Variants in PTPRK observed in about 807,000 individuals in gnomAD.
The protein encoded by PTPRK is receptor-type tyrosine-protein phosphatase kappa.
A neutral mutation model predicts 178.0 loss-of-function variants in PTPRK; 75 were observed. That is an observed-to-expected ratio of 0.42 (90% CI 0.35 to 0.51). PTPRK has a LOEUF of 0.51. PTPRK is among the 20% of genes least tolerant of loss of function. PTPRK has a pLI of 0.02. For missense variants in PTPRK, 1,441 were observed against 1,797.8 expected, an observed-to-expected ratio of 0.80 and a Z score of 3.59; for synonymous variants, 637 against 620.6, an observed-to-expected ratio of 1.03 and a Z score of -0.39.
chr6:128,088,012 T>A (rs886148109), intron 8 of PTPRK, among the ~76,000 whole-genome samples: 2 of 152,190 alleles, frequency 1.3e-5, no homozygotes, highest in African/African-American at 2.4e-5. Flanking sequence ...ACACCTGATC[T>A]AAAATTCAGA....
At chr6:128,231,328 T>G (rs1812263378) in intron 5 of PTPRK, among the ~76,000 whole-genome samples, 1 of 152,184 alleles carries the variant, frequency 6.6e-6, no homozygotes, top group South Asian at 2.1e-4. Flanking sequence ...CTTAAGTGGA[T>G]CAGAATTAAC....
At chr6:128,514,996 G>A (rs927532687) in intron 1 of PTPRK, among the ~76,000 whole-genome samples, 29 of 152,160 alleles carry the variant, frequency 1.9e-4, no homozygotes, top group African/African-American at 6.5e-4. Flanking sequence ...GTGAAACTAC[G>A]TTTCTTTAGG....
intron 22 of PTPRK, 35 bp downstream of exon 22, chr6:127,985,686 T>C: frequency 6.5e-7 from 1 of 1,547,806 alleles, no homozygotes; most frequent in South Asian, 1.2e-5. Flanking sequence ...AAAAGCTGAT[T>C]GCATACAGTC....
chr6:128,311,817 G>A (rs1406096314), intron 3 of PTPRK, among the ~76,000 whole-genome samples: 1 of 152,066 alleles, frequency 6.6e-6, no homozygotes, highest in African/African-American at 2.4e-5. Context: ...CCTTCTTGGA[G>A]ATCCTTTATT....
intron 14 of PTPRK, among the ~76,000 whole-genome samples, chr6:128,008,482 A>G (rs1361427924): frequency 6.6e-6 from 1 of 151,034 alleles, no homozygotes; most frequent in Non-Finnish European, 1.5e-5. Flanking sequence ...AAAACTGTGT[A>G]CTTTGAAATG....
intron 7 of PTPRK, among the ~76,000 whole-genome samples, chr6:128,101,509 T>C (rs1470383860): frequency 2.0e-5 from 3 of 152,102 alleles, no homozygotes; most frequent in Non-Finnish European, 4.4e-5. Flanking sequence ...TATGTCTTTT[T>C]CTTTCATTCA....
intron 1 of PTPRK, among the ~76,000 whole-genome samples, chr6:128,483,011 T>C (rs140125469): frequency 6.6e-6 from 1 of 152,298 alleles, no homozygotes; most frequent in African/African-American, 2.4e-5. Context: ...AGCTGCATGA[T>C]TCTTAATAAA....
intron 6 of PTPRK, among the ~76,000 whole-genome samples, chr6:128,214,083 C>A (rs907380688): frequency 2.0e-5 from 3 of 152,114 alleles, no homozygotes; most frequent in Non-Finnish European, 4.4e-5. Flanking sequence ...TACTGAATTT[C>A]TTCATGTAAA....
chr6:128,419,563 T>G (rs1328293002), intron 1 of PTPRK, among the ~76,000 whole-genome samples: 4 of 149,742 alleles, frequency 2.7e-5, no homozygotes. Flanking sequence ...GAGCAGAGAT[T>G]GCGCCACTGC....
At chr6:128,071,771 G>C (rs1475317584) in intron 11 of PTPRK, among the ~76,000 whole-genome samples, 1 of 151,994 alleles carries the variant, frequency 6.6e-6, no homozygotes, top group African/African-American at 2.4e-5. Flanking sequence ...GTGAAAAACA[G>C]CTATAAAAAT....
At chr6:128,260,059 T>C (rs1817945737) in intron 3 of PTPRK, among the ~76,000 whole-genome samples, 1 of 152,226 alleles carries the variant, frequency 6.6e-6, no homozygotes, top group Non-Finnish European at 1.5e-5. Flanking sequence ...CTGATGTCTG[T>C]ATTTGAATAT....
chr6:128,196,611 A>G (rs1804903776), intron 6 of PTPRK, among the ~76,000 whole-genome samples: 1 of 152,140 alleles, frequency 6.6e-6, no homozygotes, highest in Non-Finnish European at 1.5e-5. Context: ...TCCTAGTTCT[A>G]TAATCCAACA....
intron 1 of PTPRK, among the ~76,000 whole-genome samples, chr6:128,443,685 T>C (rs1453125047): frequency 6.6e-6 from 1 of 152,176 alleles, no homozygotes; most frequent in Non-Finnish European, 1.5e-5. Context: ...TTTCTGATAT[T>C]AATCACTAAC....
At chr6:128,352,264 A>AAC (rs1376349916) in intron 2 of PTPRK, among the ~76,000 whole-genome samples, 1 of 151,244 alleles carries the variant, frequency 6.6e-6, no homozygotes, top group Non-Finnish European at 1.5e-5. Context: ...AAAAAAAAAA[A>AAC]AAAAAAAGAA....
intron 7 of PTPRK, among the ~76,000 whole-genome samples, chr6:128,141,222 A>C (rs1795722588): frequency 6.6e-6 from 1 of 151,952 alleles, no homozygotes; most frequent in African/African-American, 2.4e-5. Context: ...GAAAATGTAT[A>C]ACTAAAAATG....
At chr6:128,273,298 T>C (rs921983719) in intron 3 of PTPRK, among the ~76,000 whole-genome samples, 4 of 151,988 alleles carry the variant, frequency 2.6e-5, no homozygotes, top group Non-Finnish European at 4.4e-5. Context: ...ATATGGCACA[T>C]GTATACATAT....
chr6:128,009,162 A>G lies in PTPRK; in HGVS notation c.2301T>C (p.Leu767=). 2 of 1,608,996 alleles carry G rather than the reference A, an allele frequency of 1.2e-6. No individual in the cohort carries two copies. Among genetic ancestry groups the G allele is most frequent in the Non-Finnish European group, 1.7e-6 (2 of 1,176,672 alleles). Residue 767 remains leucine, a synonymous_variant, in exon 14 of 30, where the codon CTT becomes CTC. Transcript: ENST00000368226. ...ISAGILVFIL[L]LLVVILIVKK... ...TTACAATTAATATGACAACTAGGAG[A>G]AGGAGGATGAACACCAAAATTCCAG...
chr6:128,165,989 A>T (rs1583295046), intron 7 of PTPRK, among the ~76,000 whole-genome samples: 1 of 151,790 alleles, frequency 6.6e-6, no homozygotes, highest in East Asian at 1.9e-4. Context: ...CAGTTACAAG[A>T]GTATTTCTTC....
At chr6:128,292,743 C>CATTGACAT (rs1245334554) in intron 3 of PTPRK, among the ~76,000 whole-genome samples, 8 of 152,064 alleles carry the variant, frequency 5.3e-5, no homozygotes, top group African/African-American at 1.9e-4. Flanking sequence ...TTAACTAGTA[C>CATTGACAT]ATTGACATAT....
Sources: gnomAD v4.1 joint callset for allele counts (sites outside exome capture counted in the v4.1 genomes callset) on GRCh38, gnomAD v4.1.1 for gene constraint, MANE v1.5 for transcripts, NCBI Gene and HGNC (gene_info 2026-07-23, HGNC 2026-07-21) for gene names.